Variants in DRD3 observed in about 807,000 individuals in gnomAD.
The protein encoded by DRD3 is D(3) dopamine receptor.
In DRD3, 19 loss-of-function variants were observed where a neutral mutation model predicts 36.3. That is an observed-to-expected ratio of 0.52 (90% CI 0.36 to 0.77). The LOEUF (loss-of-function observed/expected upper bound fraction) is 0.77, where lower values mean the gene tolerates loss of function less well. DRD3 is among the 30% of genes least tolerant of loss of function. DRD3 has a pLI of 0.00. For missense variants in DRD3, 465 were observed against 505.3 expected, an observed-to-expected ratio of 0.92 and a Z score of 0.77; for synonymous variants, 195 against 203.7, an observed-to-expected ratio of 0.96 and a Z score of 0.36.
intron 1 of DRD3, among the ~76,000 whole-genome samples, chr3:114,196,649 C>T (rs73235908): frequency 0.016 from 2,366 of 152,316 alleles, 34 homozygotes; most frequent in East Asian, 0.083. Flanking sequence ...CCTTGTATGG[C>T]CAGTCATTTA....
At chr3:114,143,887 A>C (rs1050626607) in intron 4 of DRD3, among the ~76,000 whole-genome samples, 1 of 152,222 alleles carries the variant, frequency 6.6e-6, no homozygotes, top group African/African-American at 2.4e-5. Flanking sequence ...TATTCATTCT[A>C]GATTTTTAAA....
At chr3:114,163,055 C>A (rs576365146) in intron 2 of DRD3, among the ~76,000 whole-genome samples, 1 of 152,290 alleles carries the variant, frequency 6.6e-6, no homozygotes, top group Non-Finnish European at 1.5e-5. Flanking sequence ...GCTTCCAGGC[C>A]CCCAATGGCC....
At chr3:114,159,492 G>C (rs2077712534) in intron 3 of DRD3, among the ~76,000 whole-genome samples, 1 of 152,006 alleles carries the variant, frequency 6.6e-6, no homozygotes, top group Admixed American at 6.5e-5. Flanking sequence ...AACCCCAAAG[G>C]ATGGTGGAAA....
At chr3:114,188,114 T>G (rs1052464737) in intron 1 of DRD3, among the ~76,000 whole-genome samples, 1 of 151,924 alleles carries the variant, frequency 6.6e-6, no homozygotes, top group African/African-American at 2.4e-5. Flanking sequence ...CCTTCTCAAT[T>G]GAATGAAATG....
intron 1 of DRD3, among the ~76,000 whole-genome samples, chr3:114,187,961 A>G (rs572427118): frequency 6.6e-6 from 1 of 152,282 alleles, no homozygotes; most frequent in Admixed American, 6.5e-5. Flanking sequence ...AGATAATTCA[A>G]CACAATCATG....
intron 3 of DRD3, among the ~76,000 whole-genome samples, chr3:114,157,205 C>A (rs1427871577): frequency 6.6e-6 from 1 of 151,980 alleles, no homozygotes; most frequent in African/African-American, 2.4e-5. Context: ...AGGCACCCAC[C>A]ACCATGTCCG....
At chr3:114,177,238 G>T (rs2077908660) in intron 1 of DRD3, among the ~76,000 whole-genome samples, 1 of 152,124 alleles carries the variant, frequency 6.6e-6, no homozygotes, top group South Asian at 2.1e-4. Context: ...ATAGTCTTTA[G>T]CATTTCTATG....
intron 1 of DRD3, among the ~76,000 whole-genome samples, chr3:114,191,414 G>A (rs944669619): frequency 2.6e-5 from 4 of 152,196 alleles, no homozygotes; most frequent in Admixed American, 6.5e-5. Context: ...ATGGGAACAC[G>A]ATTGGCACAT....
chr3:114,188,559 G>T (rs2077988232), intron 1 of DRD3, among the ~76,000 whole-genome samples: 1 of 152,150 alleles, frequency 6.6e-6, no homozygotes, highest in African/African-American at 2.4e-5. Flanking sequence ...GGGCTGACTT[G>T]CCTCATGTTC....
At position 114,139,785 on chromosome 3, in the gene DRD3, G is replaced by T; in HGVS notation, c.527-89C>A. 2.3e-6 allele frequency: 3 copies of T among 1,278,972 alleles called. No homozygotes were observed. In the East Asian group the frequency reaches 7.1e-5, roughly 30 times the overall value. 79.2% of individuals were successfully genotyped at this position (1,278,972 alleles called of 1,614,324 possible). A position where few individuals can be genotyped will look rare whatever the true frequency, so the allele number is the denominator to read the frequency against. On this transcript the variant is annotated intron_variant, in intron 4 of 6. Transcript: ENST00000383673. ...AACACGGCTCCATGTCACGTGTGGT[G>T]CCTGCACTTTCTGCTGCACAGGGGG...
rs1484089315 is a variant in DRD3, at chr3:114,147,458, G to A, written c.483C>T (p.Ala161=). Reference sequence around the variant, plus strand: ...ACAGAAGAGGGCAGGACACAGCAAAGGCCAGTACCCAGACGGCCGTGATCA... The same window carrying A: ...ACAGAAGAGGGCAGGACACAGCAAAAGCCAGTACCCAGACGGCCGTGATCA... ...ALMITAVWVL[A]FAVSCPLLFG... is the part of the protein sequence containing the mutation. The change falls in exon 4 of 7, where the codon GCC becomes GCT. Residue 161 remains alanine (A), a synonymous_variant. Coordinates refer to ENST00000383673, the MANE Select transcript of DRD3 (RefSeq NM_000796.6). 6.2e-7 allele frequency: 1 copy of A among 1,613,944 alleles called. No homozygotes were observed. Among genetic ancestry groups the A allele is most frequent in the Non-Finnish European group, 8.5e-7 (1 of 1,180,000 alleles).
intron 3 of DRD3, among the ~76,000 whole-genome samples, chr3:114,148,309 A>G (rs2077586848): frequency 6.6e-6 from 1 of 152,120 alleles, no homozygotes; most frequent in South Asian, 2.1e-4. Flanking sequence ...TAAAGAGGAT[A>G]TTTACCTCCT....
upstream of DRD3, among the ~76,000 whole-genome samples, chr3:114,181,656 A>G (rs1348101182): frequency 2.0e-5 from 3 of 152,222 alleles, 1 homozygote; most frequent in African/African-American, 4.8e-5. Flanking sequence ...GTACTAGCCA[A>G]TGGCCCTTCA....
In DRD3 at chr3:114,179,037, T is replaced by C. The variant is rs2077929697; in HGVS notation, c.-416A>G. The C allele has an allele frequency of 6.6e-6, 1 of 152,220 alleles. No individual in the cohort carries two copies. Among genetic ancestry groups the C allele is most frequent in the African/African-American group, 2.4e-5 (1 of 41,464 alleles). 9.4% of individuals were successfully genotyped at this position (152,220 alleles called of 1,614,324 possible). A position where few individuals can be genotyped will look rare whatever the true frequency, so the allele number is the denominator to read the frequency against. On this transcript the variant is annotated 5_prime_UTR_variant, in exon 1 of 7. Transcript: ENST00000383673. ...CGTTTTCTACCTCGCTCTCTTTTCC[T>C]CTTTGTCTCTCTATCTGCTCGGATA... is the stretch of plus-strand genomic sequence containing the variant.
intron 3 of DRD3, among the ~76,000 whole-genome samples, chr3:114,152,249 T>A (rs1380064404): frequency 1.3e-5 from 2 of 152,104 alleles, no homozygotes; most frequent in East Asian, 3.9e-4. Flanking sequence ...CTCTCTCGAA[T>A]CCCCCTCCTT....
intron 4 of DRD3, among the ~76,000 whole-genome samples, chr3:114,140,508 T>C (rs992403848): frequency 8.5e-5 from 13 of 152,190 alleles, no homozygotes; most frequent in Non-Finnish European, 1.5e-4. Context: ...AGCAAACTAA[T>C]ATCTGCCAGG....
chr3:114,136,529 A>G (rs1349295101), intron 5 of DRD3, among the ~76,000 whole-genome samples: 1 of 152,108 alleles, frequency 6.6e-6, no homozygotes. Context: ...TTTGTATTCA[A>G]TATTTTTCCT....
At chr3:114,142,172 A>C (rs1361234554) in intron 4 of DRD3, among the ~76,000 whole-genome samples, 1 of 151,996 alleles carries the variant, frequency 6.6e-6, no homozygotes, top group Non-Finnish European at 1.5e-5. Context: ...ATAGGGTGGC[A>C]GTGCGTGGTC....
intron 3 of DRD3, 22 bp from the exon 4 acceptor site, chr3:114,147,579 G>T: frequency 6.2e-7 from 1 of 1,600,374 alleles, no homozygotes; most frequent in East Asian, 2.3e-5. Flanking sequence ...AGGGGAGAGG[G>T]GATAGGCATG....
Sources: gnomAD v4.1 joint callset for allele counts (sites outside exome capture counted in the v4.1 genomes callset) on GRCh38, gnomAD v4.1.1 for gene constraint, MANE v1.5 for transcripts, NCBI Gene and HGNC (gene_info 2026-07-23, HGNC 2026-07-21) for gene names.